TENM2: variants seen among roughly 807,000 people sequenced by gnomAD.
The protein encoded by TENM2 is teneurin transmembrane protein 2, also known as teneurin-2.
A neutral mutation model predicts 245.2 loss-of-function variants in TENM2; 52 were observed. The observed-to-expected ratio is 0.21, with a 90% CI of 0.17 to 0.27. The LOEUF is 0.27. TENM2 is among the 10% of genes least tolerant of loss of function. TENM2 has a pLI of 1.00. For missense variants in TENM2, 3,046 were observed against 3,666.8 expected (o/e 0.83, Z 4.37); for synonymous variants, 1,363 against 1,438.9 (o/e 0.95, Z 1.19).
intron 20 of TENM2, among the ~76,000 whole-genome samples, chr5:168,214,206 C>A (rs544692122): frequency 6.6e-6 from 1 of 152,250 alleles, no homozygotes; most frequent in African/African-American, 2.4e-5. Context: ...ACAAGTCTTA[C>A]TCTGTCCTAG....
intron 4 of TENM2, among the ~76,000 whole-genome samples, chr5:167,989,242 GTAGATAGA>G (rs150427488): frequency 1.3e-5 from 2 of 149,434 alleles, no homozygotes; most frequent in Admixed American, 6.7e-5. Context: ...TAAATAGAAT[GTAGATAGA>G]TAGATAGAAG....
intron 23 of TENM2, among the ~76,000 whole-genome samples, chr5:168,224,636 A>T (rs913990572): frequency 2.0e-5 from 3 of 151,482 alleles, no homozygotes; most frequent in Admixed American, 2.0e-4. Flanking sequence ...TTCTCTGAGG[A>T]CCCCCCATCC....
chr5:167,680,431 G>A (rs1756628810), intron 2 of TENM2, among the ~76,000 whole-genome samples: 1 of 152,236 alleles, frequency 6.6e-6, no homozygotes, highest in South Asian at 2.1e-4. Flanking sequence ...CAGGTCAGAG[G>A]GTGAAGGCTA....
chr5:167,621,916 A>T (rs959957303), intron 2 of TENM2, among the ~76,000 whole-genome samples: 1 of 152,190 alleles, frequency 6.6e-6, no homozygotes, highest in African/African-American at 2.4e-5. Flanking sequence ...AGGAAATTTG[A>T]GACTTGGCCT....
At chr5:168,134,101 G>C (rs1205744274) in intron 12 of TENM2, among the ~76,000 whole-genome samples, 2 of 152,094 alleles carry the variant, frequency 1.3e-5, no homozygotes, top group Non-Finnish European at 2.9e-5. Flanking sequence ...GTTGCAGTGA[G>C]CTGAGATCAT....
chr5:167,652,759 C>T (rs1754563598), intron 2 of TENM2, among the ~76,000 whole-genome samples: 1 of 152,140 alleles, frequency 6.6e-6, no homozygotes, highest in Admixed American at 6.6e-5. Flanking sequence ...CTGCCACAGT[C>T]GTCACTCACA....
the TENM2 span, among the ~76,000 whole-genome samples, chr5:167,107,872 G>A: frequency 6.6e-6 from 1 of 152,202 alleles, no homozygotes; most frequent in Non-Finnish European, 1.5e-5. Context: ...TCAGCTGCAA[G>A]ACATCCAGTT....
the TENM2 span, among the ~76,000 whole-genome samples, chr5:167,126,801 GA>G: frequency 2.0e-5 from 3 of 152,148 alleles, no homozygotes; most frequent in Admixed American, 6.5e-5. Context: ...GTACAGTTAA[GA>G]AAGACTAGGC....
At chr5:167,449,196 T>A (rs577143244) in intron 2 of TENM2, among the ~76,000 whole-genome samples, 1 of 152,146 alleles carries the variant, frequency 6.6e-6, no homozygotes, top group South Asian at 2.1e-4. Context: ...TACTTAGCAC[T>A]AGTCCTTGGG....
At chr5:167,148,969 TTTATAAG>T in the TENM2 span, among the ~76,000 whole-genome samples, 1 of 152,162 alleles carries the variant, frequency 6.6e-6, no homozygotes, top group Non-Finnish European at 1.5e-5. Flanking sequence ...TTAATTTTTC[TTTATAAG>T]TTATATTAGG....
At chr5:167,948,844 TG>T (rs1457368210) in intron 3 of TENM2, 22 of 152,230 alleles carry the variant, frequency 1.4e-4, no homozygotes, top group African/African-American at 4.6e-4. Context: ...TTCATCAAGC[TG>T]AGTTATTCAT....
At chr5:167,689,089 T>C (rs1757260748) in intron 2 of TENM2, among the ~76,000 whole-genome samples, 1 of 152,168 alleles carries the variant, frequency 6.6e-6, no homozygotes, top group African/African-American at 2.4e-5. Flanking sequence ...GAGAAGCAGA[T>C]ACCAAGACAG....
chr5:167,727,711 C>G (rs527560106), intron 2 of TENM2, among the ~76,000 whole-genome samples: 2 of 152,298 alleles, frequency 1.3e-5, no homozygotes, highest in South Asian at 4.1e-4. Flanking sequence ...AATATTCAAA[C>G]TCCAGGAAAA....
At chr5:167,043,164 G>A in the TENM2 span, among the ~76,000 whole-genome samples, 1 of 152,180 alleles carries the variant, frequency 6.6e-6, no homozygotes, top group Non-Finnish European at 1.5e-5. Flanking sequence ...GTTTTATCCA[G>A]TGTCTAGTTT....
At chr5:168,058,316 A>T (rs1789735443) in intron 6 of TENM2, among the ~76,000 whole-genome samples, 1 of 152,230 alleles carries the variant, frequency 6.6e-6, no homozygotes, top group African/African-American at 2.4e-5. Flanking sequence ...TTTATAGATC[A>T]CTTACATTTG....
chr5:167,860,058 G>T (rs1309486118), intron 2 of TENM2, among the ~76,000 whole-genome samples: 1 of 74,940 alleles, frequency 1.3e-5, no homozygotes. Context: ...GGAGGGAGGT[G>T]GGGGGGGGTC....
intron 2 of TENM2, among the ~76,000 whole-genome samples, chr5:167,563,494 T>G (rs1285542442): frequency 6.6e-6 from 1 of 152,164 alleles, no homozygotes; most frequent in Admixed American, 6.5e-5. Context: ...TCTTTGTAAG[T>G]TGCACCAACT....
chr5:167,163,555 C>G, the TENM2 span, among the ~76,000 whole-genome samples: 18 of 149,246 alleles, frequency 1.2e-4, no homozygotes, highest in Admixed American at 1.1e-3. Context: ...TATGAATTAT[C>G]TGGACTTCTG....
intron 7 of TENM2, among the ~76,000 whole-genome samples, chr5:168,065,950 C>T (rs1161824355): frequency 7.9e-5 from 12 of 151,418 alleles, no homozygotes; most frequent in South Asian, 4.2e-4. Context: ...CATTTTACAA[C>T]GCCTGGAAAT....
Sources: allele counts gnomAD v4.1 joint callset (sites outside exome capture counted in the v4.1 genomes callset), GRCh38; gene constraint gnomAD v4.1.1; transcripts MANE v1.5; gene names NCBI Gene and HGNC (gene_info 2026-07-23, HGNC 2026-07-21).